Variants in SNCAIP observed in about 807,000 individuals in gnomAD.
The protein encoded by SNCAIP is synuclein alpha interacting protein.
SNCAIP carries 43 observed loss-of-function variants against 86.7 expected under a neutral mutation model. The observed-to-expected ratio is 0.50, with a 90% CI of 0.39 to 0.64. The LOEUF (loss-of-function observed/expected upper bound fraction) is 0.64. Among genes scored for constraint, SNCAIP ranks in the 30% least tolerant of loss-of-function variants. The pLI is 0.00. For missense variants in SNCAIP, 981 were observed against 1,103.1 expected, an observed-to-expected ratio of 0.89 and a Z score of 1.57; for synonymous variants, 417 against 427.2, an observed-to-expected ratio of 0.98 and a Z score of 0.29.
At chr5:122,417,640 TCTTC>T (rs1190229540) in intron 3 of SNCAIP, among the ~76,000 whole-genome samples, 1 of 152,080 alleles carries the variant, frequency 6.6e-6, no homozygotes, top group Non-Finnish European at 1.5e-5. Flanking sequence ...GGTTTTGGCA[TCTTC>T]CTTCCCTCCT....
intron 1 of SNCAIP, among the ~76,000 whole-genome samples, chr5:122,343,242 G>A (rs1055475256): frequency 4.6e-5 from 7 of 152,222 alleles, no homozygotes; most frequent in South Asian, 4.2e-4. Context: ...ATATTTGCTC[G>A]TGGAGCTGAA....
In SNCAIP at chr5:122,370,582, C is replaced by T. The variant is rs150601905; in HGVS notation, c.-46-20507C>T. On this transcript the variant is annotated intron_variant, in intron 1 of 10. Coordinates refer to ENST00000261368, the MANE Select transcript of SNCAIP (RefSeq NM_005460.4). ...CAGTCTTATGAAGGCACCTCTTTATCCTTCTGTTTCATAGTTATCAACAGA... is the reference window on the plus strand; with the variant it reads ...CAGTCTTATGAAGGCACCTCTTTATTCTTCTGTTTCATAGTTATCAACAGA... Among the ~76,000 whole-genome samples, 594 of 152,218 alleles carry T rather than the reference C, an allele frequency of 3.9e-3. 1 individual carries two copies. The highest frequency in any genetic ancestry group is 0.013 in the African/African-American group (525 of 41,526).
chr5:122,413,284 A>G lies in SNCAIP; in HGVS notation c.130+9419A>G, dbSNP rs1035323611. Among the ~76,000 whole-genome samples the G allele has an allele frequency of 5.9e-5, 9 of 152,374 alleles. No individual in the cohort carries two copies. The East Asian group carries it at 9.6e-4, about 16-fold the overall frequency. On this transcript the variant is annotated intron_variant, in intron 3 of 10. Coordinates refer to ENST00000261368, the MANE Select transcript of SNCAIP (RefSeq NM_005460.4). ...GACTCTGACCCACTCTGATCTAGCA[A>G]TAACAGCTACAGAACCTGCCAGATT...
chr5:122,326,521 C>T (rs935557653), intron 1 of SNCAIP, among the ~76,000 whole-genome samples: 1 of 149,982 alleles, frequency 6.7e-6, no homozygotes, highest in African/African-American at 2.5e-5. Flanking sequence ...TTTCAAACCT[C>T]ATGAGTGTAT....
At chr5:122,390,229 T>C (rs1176523508) in intron 1 of SNCAIP, among the ~76,000 whole-genome samples, 1 of 152,204 alleles carries the variant, frequency 6.6e-6, no homozygotes, top group Admixed American at 6.5e-5. Context: ...ATCTGAGAGT[T>C]GGCGCTGCAG....
At chr5:122,399,568 CATT>C (rs758356651) in intron 2 of SNCAIP, among the ~76,000 whole-genome samples, 2 of 152,096 alleles carry the variant, frequency 1.3e-5, no homozygotes, top group African/African-American at 2.4e-5. Flanking sequence ...TAACTACTGA[CATT>C]ATTATTATTA....
At chr5:122,381,108 G>T (rs1414985345) in intron 1 of SNCAIP, among the ~76,000 whole-genome samples, 3 of 148,790 alleles carry the variant, frequency 2.0e-5, no homozygotes, top group Non-Finnish European at 4.4e-5. Context: ...TTGACTTTCT[G>T]TCTCGTTGAT....
At chr5:122,423,820 G>A (rs964198320) in intron 4 of SNCAIP, 81 bp downstream of exon 4, 25 of 1,256,352 alleles carry the variant, frequency 2.0e-5, no homozygotes, top group Non-Finnish European at 2.6e-5. Flanking sequence ...GTAACAGAAC[G>A]ATGCTGCATT....
chr5:122,440,243 A>T (rs1369178278), intron 6 of SNCAIP, among the ~76,000 whole-genome samples: 1 of 152,248 alleles, frequency 6.6e-6, no homozygotes, highest in East Asian at 1.9e-4. Flanking sequence ...AGGCAGTATA[A>T]CACAGCAGCA....
rs1776660947 is a variant in SNCAIP, at chr5:122,422,853, A to T, written c.131-15A>T. 6.2e-7 allele frequency: 1 copy of T among 1,610,580 alleles called. No individual in the cohort carries two copies. The highest frequency in any genetic ancestry group is 1.3e-5 in the African/African-American group (1 of 74,812). ...TCCAGATTAATAGCTTTCTATTTTA[A>T]TTTTTTAAAAACAGTTTCTAGCTCT... On this transcript the variant is annotated splice_polypyrimidine_tract_variant and intron_variant, in intron 3 of 10. Coordinates refer to ENST00000261368, the MANE Select transcript of SNCAIP (RefSeq NM_005460.4).
At chr5:122,377,975 T>C (rs1419684487) in intron 1 of SNCAIP, among the ~76,000 whole-genome samples, 1 of 151,732 alleles carries the variant, frequency 6.6e-6, no homozygotes, top group African/African-American at 2.4e-5. Flanking sequence ...GTCTTTGCTA[T>C]TGTGAATAAT....
rs190897230 is a variant in SNCAIP at position 122,425,868 on chromosome 5, G to A, written c.1182+337G>A. On this transcript the variant is annotated intron_variant, in intron 5 of 10. Transcript: ENST00000261368. ...TTTCTTCCTAATATGACAATAATGA[G>A]CAAGACGAATGTGGGGAAGGTGTGT... 3.9e-5 allele frequency among the ~76,000 whole-genome samples: 6 copies of A among 152,312 alleles called. 1 individual carries two copies. The highest frequency in any genetic ancestry group is 2.6e-4 in the Admixed American group (4 of 15,300).
chr5:122,336,190 GAA>G lies in SNCAIP; in HGVS notation c.-47+23908_-47+23909del, dbSNP rs548865553. On this transcript the variant is annotated intron_variant, in intron 1 of 10. Coordinates refer to ENST00000261368, the MANE Select transcript of SNCAIP (RefSeq NM_005460.4). ...CTGGTTATCAAGAGAGAGAGAGAGA[GAA>G]AGAGAGAGAGAGTGTGTAACAGATA... Among the ~76,000 whole-genome samples the G allele has an allele frequency of 8.1e-3, 1,234 of 152,146 alleles. 18 individuals are homozygous for G. The highest frequency in any genetic ancestry group is 0.028 in the African/African-American group (1,169 of 41,502).
chr5:122,349,660 T>C (rs1759373017), intron 1 of SNCAIP, among the ~76,000 whole-genome samples: 1 of 152,202 alleles, frequency 6.6e-6, no homozygotes, highest in Non-Finnish European at 1.5e-5. Flanking sequence ...GTAATTATCA[T>C]AGTGTTTGTG....
chr5:122,379,970 A>G (rs1242847427), intron 1 of SNCAIP, among the ~76,000 whole-genome samples: 1 of 152,044 alleles, frequency 6.6e-6, no homozygotes, highest in African/African-American at 2.4e-5. Flanking sequence ...TTTTGCATCA[A>G]TGTTCATCAA....
intron 1 of SNCAIP, among the ~76,000 whole-genome samples, chr5:122,354,051 C>T (rs1464835306): frequency 4.6e-5 from 7 of 152,182 alleles, no homozygotes; most frequent in Non-Finnish European, 8.8e-5. Context: ...ACATCTCAGA[C>T]ATGGAGCAGA....
Position 122,450,557 on chromosome 5 carries a change from A to C in SNCAIP, c.1710A>C (p.Arg570Ser). ...SPSSPSSPASRKSQWKSPDAD... is the reference protein window; with the variant it reads ...SPSSPSSPASSKSQWKSPDAD... ...GTTCACCATCCTCACCTGCCTCCAG[A>C]AAGTCCCAGTGGAAATCTCCAGATG... is the stretch of plus-strand genomic sequence containing the variant. Residue 570 changes from arginine (R) to serine (S), a missense_variant, in exon 10 of 11, where the codon AGA (arginine) becomes AGC (serine). By Grantham distance (110) the Arg-to-Ser change is moderately radical. Transcript: ENST00000261368. 1 of 1,613,988 alleles carries C rather than the reference A, an allele frequency of 6.2e-7. No homozygotes were observed. The highest frequency in any genetic ancestry group is 8.5e-7 in the Non-Finnish European group (1 of 1,179,848).
chr5:122,377,459 T>TCA (rs970985090), intron 1 of SNCAIP, among the ~76,000 whole-genome samples: 12 of 150,956 alleles, frequency 7.9e-5, no homozygotes, highest in African/African-American at 2.9e-4. Flanking sequence ...TCATTTTAAA[T>TCA]CACACACACA....
intron 5 of SNCAIP, among the ~76,000 whole-genome samples, chr5:122,427,183 A>G (rs1208898455): frequency 1.3e-5 from 2 of 152,168 alleles, no homozygotes; most frequent in Non-Finnish European, 2.9e-5. Context: ...TTTAATTTGT[A>G]TGCCCTAGGG....
Sources: gnomAD v4.1 joint callset for allele counts (sites outside exome capture counted in the v4.1 genomes callset) on GRCh38, gnomAD v4.1.1 for gene constraint, MANE v1.5 for transcripts, NCBI Gene and HGNC (gene_info 2026-07-23, HGNC 2026-07-21) for gene names.